Variants in PCLO observed in about 807,000 individuals in gnomAD.
PCLO encodes the protein protein piccolo.
PCLO carries 82 observed loss-of-function variants against 427.5 expected under a neutral mutation model. The ratio of observed to expected loss-of-function variants is 0.19; its 90% confidence interval spans 0.16 to 0.23. PCLO has a LOEUF of 0.23. Ranked by LOEUF, PCLO falls within the 10% of genes least tolerant of loss-of-function variation. The probability of loss-of-function intolerance (pLI) is 1.00; values close to 1 mark genes in which losing one functional copy is unlikely to be tolerated. For synonymous variants in PCLO, 2,357 were observed against 2,155.4 expected (o/e 1.09, Z -2.59); for missense variants, 6,239 against 6,115.9 (o/e 1.02, Z -0.67).
intron 10 of PCLO, among the ~76,000 whole-genome samples, chr7:82,870,536 G>A (rs1447658099): frequency 6.6e-6 from 1 of 151,870 alleles, no homozygotes; most frequent in Non-Finnish European, 1.5e-5. Context: ...GGGCAAAAAT[G>A]TTTTGAGTAA....
At chr7:82,972,639 A>G (rs766348061) in intron 3 of PCLO, among the ~76,000 whole-genome samples, 6 of 152,020 alleles carry the variant, frequency 3.9e-5, no homozygotes, top group Non-Finnish European at 5.9e-5. Context: ...TATCATTTCC[A>G]CCCATAGAAG....
chr7:83,002,960 T>A (rs947980156), intron 3 of PCLO, among the ~76,000 whole-genome samples: 1 of 151,684 alleles, frequency 6.6e-6, no homozygotes, highest in Non-Finnish European at 1.5e-5. Flanking sequence ...ACTGCAAATG[T>A]TTTTTCATTT....
At chr7:83,141,293 T>C (rs1399261835) in intron 2 of PCLO, among the ~76,000 whole-genome samples, 2 of 152,208 alleles carry the variant, frequency 1.3e-5, no homozygotes, top group East Asian at 1.9e-4. Flanking sequence ...CTGTCTTAGA[T>C]AGATGTCAAG....
At chr7:82,776,743 C>T (rs55886522) in intron 22 of PCLO, among the ~76,000 whole-genome samples, 1,597 of 152,098 alleles carry the variant, frequency 0.01, 34 homozygotes, top group African/African-American at 0.036. Flanking sequence ...TGCAGTGAGC[C>T]AAGATCGTGC....
intron 6 of PCLO, among the ~76,000 whole-genome samples, chr7:82,944,137 T>TAAAAAAAAAA (rs71096608): frequency 8.9e-5 from 3 of 33,890 alleles, no homozygotes; most frequent in African/African-American, 1.3e-4. Flanking sequence ...CAAGAATCCA[T>TAAAAAAAAAA]AAAAAAAAAA....
chr7:82,977,531 G>A (rs1435433723), intron 3 of PCLO, among the ~76,000 whole-genome samples: 2 of 151,778 alleles, frequency 1.3e-5, no homozygotes, highest in Non-Finnish European at 2.9e-5. Flanking sequence ...TCCTGCCTCA[G>A]CCTCCCGAGT....
At chr7:83,043,797 A>G (rs1297217405) in intron 3 of PCLO, among the ~76,000 whole-genome samples, 1 of 152,154 alleles carries the variant, frequency 6.6e-6, no homozygotes, top group African/African-American at 2.4e-5. Flanking sequence ...CACTGTATAC[A>G]AAGCCATTTT....
intron 2 of PCLO, among the ~76,000 whole-genome samples, chr7:83,150,831 A>G (rs1012358765): frequency 2.6e-5 from 4 of 152,250 alleles, no homozygotes; most frequent in Non-Finnish European, 5.9e-5. Flanking sequence ...ATAAATTCAC[A>G]TAATTGTACC....
chr7:82,997,208 T>C (rs1216456932), intron 3 of PCLO, among the ~76,000 whole-genome samples: 1 of 151,884 alleles, frequency 6.6e-6, no homozygotes. Flanking sequence ...AGCTGATCCC[T>C]GCCATGGTAC....
At chr7:82,767,974 A>G (rs2371212) in intron 22 of PCLO, among the ~76,000 whole-genome samples, 128,373 of 151,864 alleles carry the variant, frequency 0.85, 54,352 homozygotes, top group East Asian at 0.92. Flanking sequence ...AGGAAAGAAA[A>G]GCAAAAAGGA....
At chr7:82,877,914 T>C (rs4397344) in intron 10 of PCLO, among the ~76,000 whole-genome samples, 68,456 of 152,046 alleles carry the variant, frequency 0.45, 16,834 homozygotes, top group African/African-American at 0.66. Context: ...TCAAGAGATC[T>C]GCCCGCCTTG....
intron 4 of PCLO, among the ~76,000 whole-genome samples, chr7:82,961,691 A>C (rs1336284160): frequency 6.6e-5 from 10 of 152,200 alleles, no homozygotes; most frequent in Admixed American, 6.5e-4. Context: ...TCAGTTGGTC[A>C]CATGGTCTGT....
At chr7:82,821,985 A>T in intron 20 of PCLO, 1 of 986,216 alleles carries the variant, frequency 1.0e-6, no homozygotes, top group African/African-American at 1.7e-5. Context: ...CTTTTCCTCC[A>T]AGGTTCTAGA....
chr7:82,890,811 A>G (rs567855897), intron 9 of PCLO, among the ~76,000 whole-genome samples: 1 of 152,124 alleles, frequency 6.6e-6, no homozygotes, highest in Non-Finnish European at 1.5e-5. Flanking sequence ...CTTATAATCA[A>G]GGAAAAAAGA....
intron 3 of PCLO, among the ~76,000 whole-genome samples, chr7:83,115,922 G>A (rs769831422): frequency 3.2e-4 from 48 of 151,502 alleles, no homozygotes; most frequent in Non-Finnish European, 4.6e-4. Context: ...TTTTGTTTTA[G>A]ATCTTATAAT....
At chr7:82,921,890 A>C (rs947803524) in intron 6 of PCLO, among the ~76,000 whole-genome samples, 10 of 151,848 alleles carry the variant, frequency 6.6e-5, no homozygotes, top group South Asian at 4.2e-4. Flanking sequence ...ACAAAAAAAA[A>C]CACACAATCT....
At position 82,899,825 on chromosome 7, in the gene PCLO, A is replaced by G. The variant is rs145077385; in HGVS notation, c.13528+2826T>C. ...TAAAGAGTAGGAAAGATAAATAATA[A>G]GGTTGAAGGAATAATTCTTAATATA... On this transcript the variant is annotated intron_variant, in intron 9 of 24. Transcript: ENST00000333891. Among the ~76,000 whole-genome samples the G allele has an allele frequency of 4.7e-3, 720 of 151,760 alleles. 4 individuals are homozygous for G. Among genetic ancestry groups the G allele is most frequent in the African/African-American group, 0.017 (686 of 41,530 alleles).
chr7:82,984,188 G>A (rs944049701), intron 3 of PCLO, among the ~76,000 whole-genome samples: 2 of 151,858 alleles, frequency 1.3e-5, no homozygotes, highest in Non-Finnish European at 2.9e-5. Context: ...TTCAAAGGTG[G>A]ACTCTTAATG....
At chr7:83,032,863 T>G (rs1266124386) in intron 3 of PCLO, among the ~76,000 whole-genome samples, 1 of 152,140 alleles carries the variant, frequency 6.6e-6, no homozygotes, top group East Asian at 1.9e-4. Context: ...ACAAGGTTGA[T>G]ATGGTTTGGC....
Sources: gnomAD v4.1 joint callset for allele counts (sites outside exome capture counted in the v4.1 genomes callset) on GRCh38, gnomAD v4.1.1 for gene constraint, MANE v1.5 for transcripts, NCBI Gene and HGNC (gene_info 2026-07-23, HGNC 2026-07-21) for gene names.